Variants in SERPINB7 observed in about 807,000 individuals in gnomAD.
SERPINB7 encodes the protein serpin B7.
Under a neutral mutation model 37.4 loss-of-function variants are expected in SERPINB7, and 31 were observed. The observed-to-expected ratio is 0.83, with a 90% confidence interval of 0.62 to 1.12. SERPINB7 has a LOEUF of 1.12. Among genes scored for constraint, SERPINB7 ranks in the 50% most tolerant of loss-of-function variants. SERPINB7 has a pLI of 0.00. For missense variants in SERPINB7, 521 were observed against 455.3 expected (o/e 1.14, Z -1.31); for synonymous variants, 163 against 166.1 (o/e 0.98, Z 0.14).
At chr18:63,786,160 CA>C (rs1694785243) in intron 2 of SERPINB7, among the ~76,000 whole-genome samples, 1 of 67,206 alleles carries the variant, frequency 1.5e-5, no homozygotes, top group African/African-American at 3.8e-5. Context: ...CACACACACA[CA>C]CACACCAGCA....
intron 5 of SERPINB7, 101 bp from the exon 6 acceptor site, chr18:63,798,503 A>C: frequency 1.3e-5 from 11 of 825,042 alleles, no homozygotes; most frequent in Non-Finnish European, 2.0e-5. Flanking sequence ...TGGTGTTATT[A>C]TGTGTTAAGA....
chr18:63,793,386 T>C, intron 4 of SERPINB7, 109 bp downstream of exon 4: 2 of 547,592 alleles, frequency 3.7e-6, no homozygotes, highest in Non-Finnish European at 6.6e-6. Context: ...TTGTTTCTCA[T>C]TGCTACTTAT....
At chr18:63,804,140 GA>G (rs1185790789) in intron 7 of SERPINB7, 96 bp from the exon 8 acceptor site, 1 of 871,954 alleles carries the variant, frequency 1.1e-6, no homozygotes, top group Non-Finnish European at 1.7e-6. Flanking sequence ...AAATATCCAG[GA>G]AGCGATAATT....
intron 1 of SERPINB7, among the ~76,000 whole-genome samples, chr18:63,755,700 C>T (rs533827869): frequency 6.6e-6 from 1 of 151,944 alleles, no homozygotes; most frequent in East Asian, 1.9e-4. Flanking sequence ...GGAGACAAGC[C>T]TGGACAACAT....
chr18:63,778,365 TAAG>T (rs1290180586), intron 1 of SERPINB7, among the ~76,000 whole-genome samples: 1 of 152,158 alleles, frequency 6.6e-6, no homozygotes, highest in Non-Finnish European at 1.5e-5. Context: ...GACTTATTGA[TAAG>T]AATAAAAATT....
At chr18:63,783,280 AAG>A (rs1491216968) in intron 2 of SERPINB7, among the ~76,000 whole-genome samples, 1 of 147,564 alleles carries the variant, frequency 6.8e-6, no homozygotes, top group East Asian at 2.0e-4. Context: ...GAAAGAAAGA[AAG>A]AAAGAAAGAA....
intron 1 of SERPINB7, 70 bp from the exon 2 acceptor site, chr18:63,782,272 TTATAAAAAATAAA>T (rs1330017596): frequency 6.5e-6 from 6 of 920,786 alleles, no homozygotes; most frequent in Non-Finnish European, 8.7e-6. Context: ...AAGCTTTAAA[TTATAAAAAATAAA>T]TAAATCTAAA....
intron 1 of SERPINB7, among the ~76,000 whole-genome samples, chr18:63,770,155 T>G (rs2049202314): frequency 6.6e-6 from 1 of 150,624 alleles, no homozygotes; most frequent in Non-Finnish European, 1.5e-5. Context: ...GCTTCTCTTG[T>G]GGCATCTGCT....
At chr18:63,765,062 T>G (rs2049173598) in intron 1 of SERPINB7, among the ~76,000 whole-genome samples, 1 of 152,196 alleles carries the variant, frequency 6.6e-6, no homozygotes, top group South Asian at 2.1e-4. Context: ...AAATAAAATC[T>G]TCTGAGCTCT....
chr18:63,766,473 A>C (rs1275209371), intron 1 of SERPINB7, among the ~76,000 whole-genome samples: 2 of 152,160 alleles, frequency 1.3e-5, no homozygotes, highest in Non-Finnish European at 2.9e-5. Flanking sequence ...GCATTCAATA[A>C]ATTGTTCGAC....
chr18:63,785,628 G>A (rs2049356065), intron 2 of SERPINB7, among the ~76,000 whole-genome samples: 2 of 151,858 alleles, frequency 1.3e-5, no homozygotes, highest in Non-Finnish European at 2.9e-5. Flanking sequence ...CAGTTGAAGT[G>A]CCATGAAGGC....
chr18:63,758,384 T>G (rs1318882595), intron 1 of SERPINB7, among the ~76,000 whole-genome samples: 1 of 152,182 alleles, frequency 6.6e-6, no homozygotes, highest in African/African-American at 2.4e-5. Context: ...GTGACTGAAT[T>G]TTTTACTGTC....
chr18:63,796,358 T>C lies in SERPINB7; in HGVS notation c.429T>C (p.Asn143=), dbSNP rs772808130. 13 of 1,601,100 alleles carry C rather than the reference T, an allele frequency of 8.1e-6. No individual in the cohort carries two copies. In the East Asian group the frequency reaches 2.5e-4, roughly 30 times the overall value. The change falls in exon 5 of 8, where the codon AAT becomes AAC. Residue 143 remains asparagine (N), a synonymous_variant. Transcript: ENST00000398019. ...TAGAAGACACTAGACGTAATATTAA[T>C]AAGTGGGTTGAAAATGAAACACATG... ...NHLEDTRRNI[N]KWVENETHGK...
chr18:63,775,121 T>C (rs2049235694), upstream of SERPINB7, among the ~76,000 whole-genome samples: 1 of 152,108 alleles, frequency 6.6e-6, no homozygotes, highest in South Asian at 2.1e-4. Context: ...GATGTCTAGT[T>C]AGTCTATTTG....
chr18:63,791,274 G>A (rs945536492), intron 2 of SERPINB7, among the ~76,000 whole-genome samples: 2 of 152,126 alleles, frequency 1.3e-5, no homozygotes, highest in African/African-American at 2.4e-5. Context: ...ATGTATCCCA[G>A]AACTTAAAGA....
At chr18:63,787,789 A>G (rs1344243368) in intron 2 of SERPINB7, among the ~76,000 whole-genome samples, 1 of 152,252 alleles carries the variant, frequency 6.6e-6, no homozygotes, top group South Asian at 2.1e-4. Flanking sequence ...CACATGAATT[A>G]CTACATTCTT....
chr18:63,796,085 T>C (rs1195975160), intron 4 of SERPINB7, among the ~76,000 whole-genome samples, 181 bp from the exon 5 acceptor site: 1 of 152,178 alleles, frequency 6.6e-6, no homozygotes, highest in African/African-American at 2.4e-5. Flanking sequence ...CAAATTCAAC[T>C]TCAGATACAC....
At chr18:63,796,049 T>G (rs982932682) in intron 4 of SERPINB7, among the ~76,000 whole-genome samples, 1 of 152,170 alleles carries the variant, frequency 6.6e-6, no homozygotes, top group African/African-American at 2.4e-5. Flanking sequence ...CAGATAAACT[T>G]AAGTTTAAAC....
Position 63,786,831 on chromosome 18 carries a change from A to C in SERPINB7, c.168+4291A>C, listed in dbSNP as rs116322594. Among the ~76,000 whole-genome samples, 714 of 152,344 alleles carry C rather than the reference A, an allele frequency of 4.7e-3. 8 individuals are homozygous for C. Among genetic ancestry groups the C allele is most frequent in the African/African-American group, 0.016 (686 of 41,592 alleles). On this transcript the variant is annotated intron_variant, in intron 2 of 7. Transcript: ENST00000398019. ...CAAAGAATTAGATAAGAAAAGTAAG[A>C]AGAGGAAGAATTGTGATAAACAAGC...
Sources: gnomAD v4.1 joint callset for allele counts (sites outside exome capture counted in the v4.1 genomes callset) on GRCh38, gnomAD v4.1.1 for gene constraint, MANE v1.5 for transcripts, NCBI Gene and HGNC (gene_info 2026-07-23, HGNC 2026-07-21) for gene names.